Variants in CAMK1D observed in about 807,000 individuals in gnomAD.
CAMK1D encodes the protein calcium/calmodulin-dependent protein kinase type 1D.
CAMK1D carries 9 observed loss-of-function variants against 47.7 expected under a neutral mutation model. The ratio of observed to expected loss-of-function variants is 0.19; its 90% CI spans 0.11 to 0.33. The LOEUF (loss-of-function observed/expected upper bound fraction) is 0.33, where lower values mean the gene tolerates loss of function less well. CAMK1D is among the 10% of genes least tolerant of loss of function. The pLI, the probability that CAMK1D is intolerant of heterozygous loss-of-function variation, is 1.00. For synonymous variants in CAMK1D, 184 were observed against 184.9 expected, an observed-to-expected ratio of 0.99 and a Z score of 0.04; for missense variants, 291 against 488.7, an observed-to-expected ratio of 0.60 and a Z score of 3.81.
intron 3 of CAMK1D, among the ~76,000 whole-genome samples, chr10:12,735,497 G>T (rs919621584): frequency 6.6e-6 from 1 of 152,148 alleles, no homozygotes; most frequent in Non-Finnish European, 1.5e-5. Context: ...AGAAAAGAAA[G>T]TATCTTTTTT....
Position 12,754,514 on chromosome 10 carries a change from G to A in CAMK1D, c.300-6434G>A, listed in dbSNP as rs181777763. ...CCTGGGAAAAATATATAAAGAGAAT[G>A]TATATTCAAAGACACATTGCCTGAG... is the stretch of plus-strand genomic sequence containing the variant. On this transcript the variant is annotated intron_variant, in intron 3 of 10. Coordinates refer to ENST00000619168, the MANE Select transcript of CAMK1D (RefSeq NM_153498.4). Among the ~76,000 whole-genome samples, 225 of 152,352 alleles carry A rather than the reference G, an allele frequency of 1.5e-3. 1 individual carries two copies. The highest frequency in any genetic ancestry group is 5.3e-3 in the African/African-American group (220 of 41,590).
chr10:12,690,090 G>T (rs141036519), intron 3 of CAMK1D, among the ~76,000 whole-genome samples: 1 of 152,270 alleles, frequency 6.6e-6, no homozygotes, highest in East Asian at 1.9e-4. Flanking sequence ...GCTGTGGCTG[G>T]TCATTTCTCT....
Position 12,504,175 on chromosome 10 carries a change from A to T in CAMK1D, c.93-49050A>T, listed in dbSNP as rs536636047. ...TGATGTATGTAATATATTCTCAAAAAGTAGATCAGAGTCTTCTAAATGTCA... is the reference window on the plus strand; with the variant it reads ...TGATGTATGTAATATATTCTCAAAATGTAGATCAGAGTCTTCTAAATGTCA... On this transcript the variant is annotated intron_variant, in intron 1 of 10. Transcript: ENST00000619168. Among the ~76,000 whole-genome samples, 12 of 151,530 alleles carry T rather than the reference A, an allele frequency of 7.9e-5. No homozygotes were observed. In the South Asian group the frequency reaches 2.5e-3, roughly 32 times the overall value.
At chr10:12,744,223 C>T (rs1835561017) in intron 3 of CAMK1D, among the ~76,000 whole-genome samples, 1 of 151,994 alleles carries the variant, frequency 6.6e-6, no homozygotes, top group Admixed American at 6.6e-5. Context: ...TTTGTTTTTC[C>T]ATTCATCAAT....
At chr10:12,414,836 G>A (rs1839788285) in intron 1 of CAMK1D, among the ~76,000 whole-genome samples, 1 of 152,190 alleles carries the variant, frequency 6.6e-6, no homozygotes, top group Non-Finnish European at 1.5e-5. Context: ...TGTAGACATA[G>A]TTTTATTTGA....
At chr10:12,689,762 C>T (rs1387375806) in intron 3 of CAMK1D, among the ~76,000 whole-genome samples, 2 of 142,782 alleles carry the variant, frequency 1.4e-5, no homozygotes, top group East Asian at 2.0e-4. Flanking sequence ...GGCGACAGGG[C>T]GAGACTCCAC....
intron 3 of CAMK1D, among the ~76,000 whole-genome samples, chr10:12,749,341 T>G (rs1835819417): frequency 6.6e-6 from 1 of 151,824 alleles, no homozygotes; most frequent in Admixed American, 6.6e-5. Context: ...TTATAGGTTG[T>G]TAAAAATGTT....
chr10:12,749,466 A>AG (rs1047641583), intron 3 of CAMK1D, among the ~76,000 whole-genome samples: 4 of 146,612 alleles, frequency 2.7e-5, no homozygotes, highest in African/African-American at 1.0e-4. Context: ...AAAAAAAAAG[A>AG]AATCCATTGT....
At chr10:12,366,298 C>T (rs1437829375) in intron 1 of CAMK1D, among the ~76,000 whole-genome samples, 1 of 152,120 alleles carries the variant, frequency 6.6e-6, no homozygotes, top group East Asian at 1.9e-4. Flanking sequence ...AAAATTAGAA[C>T]AGCAACATGC....
At chr10:12,597,400 C>T (rs772852242) in intron 2 of CAMK1D, among the ~76,000 whole-genome samples, 3 of 152,182 alleles carry the variant, frequency 2.0e-5, no homozygotes, top group Non-Finnish European at 4.4e-5. Flanking sequence ...TCAGTTCTGC[C>T]TGCCCACGGT....
intron 3 of CAMK1D, among the ~76,000 whole-genome samples, chr10:12,759,436 C>G (rs572373095): frequency 2.4e-4 from 37 of 152,276 alleles, no homozygotes; most frequent in African/African-American, 8.9e-4. Context: ...GGTACATTCT[C>G]GAGCTCTGCA....
At chr10:12,560,027 T>C (rs936316059) in intron 2 of CAMK1D, among the ~76,000 whole-genome samples, 3 of 152,072 alleles carry the variant, frequency 2.0e-5, no homozygotes, top group African/African-American at 7.3e-5. Context: ...GACACCTTCC[T>C]CTCAATGCGG....
chr10:12,828,600 C>T (rs1833341850), intron 10 of CAMK1D, among the ~76,000 whole-genome samples, 169 bp from the exon 11 acceptor site: 1 of 151,400 alleles, frequency 6.6e-6, no homozygotes, highest in African/African-American at 2.4e-5. Context: ...GAGATCGTGC[C>T]ACTGCACTCC....
chr10:12,491,459 T>A (rs1224621385), intron 1 of CAMK1D, among the ~76,000 whole-genome samples: 1 of 152,128 alleles, frequency 6.6e-6, no homozygotes, highest in East Asian at 1.9e-4. Context: ...GATACAAAAA[T>A]AAGGAAATGT....
intron 6 of CAMK1D, among the ~76,000 whole-genome samples, chr10:12,801,403 TGTCC>T (rs1838470707): frequency 1.4e-5 from 2 of 147,544 alleles, no homozygotes; most frequent in African/African-American, 2.5e-5. Context: ...TCCATCCATC[TGTCC>T]ATCTCATTCA....
intron 2 of CAMK1D, among the ~76,000 whole-genome samples, chr10:12,615,630 A>G (rs1025290441): frequency 4.8e-5 from 7 of 146,304 alleles, no homozygotes; most frequent in African/African-American, 1.9e-4. Context: ...GTGTAGTGTG[A>G]GTGCACGTGT....
intron 10 of CAMK1D, among the ~76,000 whole-genome samples, chr10:12,826,508 C>T (rs1833213534): frequency 6.8e-6 from 1 of 147,832 alleles, no homozygotes; most frequent in Non-Finnish European, 1.5e-5. Flanking sequence ...GGCACACTTA[C>T]TCTCTCCTTA....
intron 1 of CAMK1D, among the ~76,000 whole-genome samples, chr10:12,551,111 A>G (rs1294160423): frequency 6.6e-6 from 1 of 152,224 alleles, no homozygotes; most frequent in Non-Finnish European, 1.5e-5. Flanking sequence ...GTGGCCTGTT[A>G]GGAACTTTGC....
At chr10:12,654,817 T>C (rs2132521006) in intron 2 of CAMK1D, among the ~76,000 whole-genome samples, 1 of 152,254 alleles carries the variant, frequency 6.6e-6, no homozygotes, top group African/African-American at 2.4e-5. Flanking sequence ...TATCTAAAGT[T>C]GAACCCTTTC....
Sources: allele counts gnomAD v4.1 joint callset (sites outside exome capture counted in the v4.1 genomes callset), GRCh38; gene constraint gnomAD v4.1.1; transcripts MANE v1.5; gene names NCBI Gene and HGNC (gene_info 2026-07-23, HGNC 2026-07-21).